Variants in SDK1 observed in about 807,000 individuals in gnomAD.
SDK1 encodes the protein sidekick cell adhesion molecule 1, also known as protein sidekick-1.
In SDK1, 157 loss-of-function variants were observed where a neutral mutation model predicts 245.5. The ratio of observed to expected loss-of-function variants is 0.64; its 90% CI spans 0.56 to 0.73. The LOEUF is 0.73. Ranked by LOEUF, SDK1 falls within the 30% of genes least tolerant of loss-of-function variation. The probability of loss-of-function intolerance (pLI) is 0.00; values close to 1 mark genes in which losing one functional copy is unlikely to be tolerated. For missense variants in SDK1, 3,583 were observed against 3,002.3 expected, an observed-to-expected ratio of 1.19 and a Z score of -4.52; for synonymous variants, 1,647 against 1,278.5, an observed-to-expected ratio of 1.29 and a Z score of -6.15.
intron 1 of SDK1, among the ~76,000 whole-genome samples, chr7:3,563,505 C>A (rs967935646): frequency 6.6e-6 from 1 of 152,000 alleles, no homozygotes; most frequent in African/African-American, 2.4e-5. Context: ...GGGAATATGA[C>A]AAGAAGATGT....
chr7:3,898,755 CT>C (rs1410913174), intron 5 of SDK1, among the ~76,000 whole-genome samples: 1 of 152,126 alleles, frequency 6.6e-6, no homozygotes, highest in African/African-American at 2.4e-5. Flanking sequence ...GATTGCCAAA[CT>C]AAGTCTTAGT....
At chr7:3,537,157 A>G (rs1778912535) in intron 1 of SDK1, among the ~76,000 whole-genome samples, 1 of 152,194 alleles carries the variant, frequency 6.6e-6, no homozygotes, top group African/African-American at 2.4e-5. Context: ...GCAGACAGCT[A>G]CCGATCTGAT....
chr7:3,713,900 C>G (rs1479365960), intron 4 of SDK1, among the ~76,000 whole-genome samples: 2 of 152,148 alleles, frequency 1.3e-5, no homozygotes, highest in Non-Finnish European at 2.9e-5. Flanking sequence ...ATCAGCAAAT[C>G]AGGCTTTCCA....
intron 1 of SDK1, among the ~76,000 whole-genome samples, chr7:3,320,103 C>T (rs1304664823): frequency 1.3e-5 from 2 of 151,880 alleles, no homozygotes; most frequent in Non-Finnish European, 2.9e-5. Context: ...TCATTCTCTT[C>T]TGATGTATGG....
intron 1 of SDK1, among the ~76,000 whole-genome samples, chr7:3,444,316 C>T (rs1413412321): frequency 6.6e-6 from 1 of 152,192 alleles, no homozygotes; most frequent in Admixed American, 6.5e-5. Flanking sequence ...GTCTACCAGA[C>T]ATCCCCAACT....
Position 3,706,676 on chromosome 7 carries a change from A to G in SDK1, c.713+64571A>G, listed in dbSNP as rs1017953746. ...TTTGGCCTCCCAAAGTGCTGGGATT[A>G]TAGGCGTGAGCCACTGTGCTCGGCC... On this transcript the variant is annotated intron_variant, in intron 4 of 44. Coordinates refer to ENST00000404826, the MANE Select transcript of SDK1 (RefSeq NM_152744.4). 4.6e-5 allele frequency among the ~76,000 whole-genome samples: 7 copies of G among 152,214 alleles called. 1 individual carries two copies. Among genetic ancestry groups the G allele is most frequent in the Admixed American group, 4.6e-4 (7 of 15,286 alleles).
chr7:3,491,448 C>T (rs1215004601), intron 1 of SDK1, among the ~76,000 whole-genome samples: 1 of 152,320 alleles, frequency 6.6e-6, no homozygotes, highest in Middle Eastern at 3.4e-3. Context: ...AGTGCAGTTG[C>T]TACTGTTTTA....
At chr7:3,382,161 G>C (rs1156967327) in intron 1 of SDK1, among the ~76,000 whole-genome samples, 2 of 151,330 alleles carry the variant, frequency 1.3e-5, no homozygotes, top group Admixed American at 6.6e-5. Context: ...TGTAGAGACA[G>C]GGTCTACCTT....
intron 1 of SDK1, among the ~76,000 whole-genome samples, chr7:3,419,455 C>T (rs1583829927): frequency 2.0e-5 from 3 of 152,238 alleles, no homozygotes; most frequent in Admixed American, 6.5e-5. Flanking sequence ...GTGAGTGTCT[C>T]GGGGAAACAT....
At chr7:3,517,706 C>G (rs1001435369) in intron 1 of SDK1, among the ~76,000 whole-genome samples, 2 of 152,242 alleles carry the variant, frequency 1.3e-5, no homozygotes, top group African/African-American at 2.4e-5. Context: ...TTCAGCTGTT[C>G]TGTGTTGTAT....
At chr7:4,010,496 G>A (rs1282016470) in intron 14 of SDK1, among the ~76,000 whole-genome samples, 4 of 152,160 alleles carry the variant, frequency 2.6e-5, no homozygotes, top group African/African-American at 4.8e-5. Context: ...GATGGGCTGC[G>A]AAATACACAG....
chr7:3,900,488 T>G (rs539832771), intron 5 of SDK1, among the ~76,000 whole-genome samples: 1 of 152,334 alleles, frequency 6.6e-6, no homozygotes, highest in East Asian at 1.9e-4. Flanking sequence ...AACTCATCAT[T>G]GCTTCTCTCG....
chr7:3,967,223 A>G, intron 9 of SDK1, 95 bp from the exon 10 acceptor site: 1 of 906,574 alleles, frequency 1.1e-6, no homozygotes, highest in Non-Finnish European at 1.8e-6. Context: ...TACCTCTGTG[A>G]TTGGCTCTCT....
Position 4,265,322 on chromosome 7 carries a change from G to A in SDK1, c.6580G>A (p.Val2194Ile), listed in dbSNP as rs767392707. The A allele has an allele frequency of 1.3e-6, 2 of 1,528,872 alleles. No homozygotes were observed. The highest frequency in any genetic ancestry group is 1.2e-5 in the South Asian group (1 of 80,766). 94.7% of individuals were successfully genotyped at this position (1,528,872 alleles called of 1,614,324 possible). A position where few individuals can be genotyped will look rare whatever the true frequency, so the allele number is the denominator to read the frequency against. Residue 2194 changes from valine to isoleucine, a missense_variant, in exon 45 of 45, where the codon GTC becomes ATC. Val to Ile is a conservative substitution (Grantham distance 29). Transcript: ENST00000404826. The stretch of plus-strand genomic sequence containing the variant: ...CATCACCACGCAGAGCGCGGGCGGC[G>A]TCTACACCCCCGCTGGCCCCGGCGC... ...PVITTQSAGG[V>I]YTPAGPGART...
At chr7:3,861,795 G>A (rs186374998) in intron 5 of SDK1, among the ~76,000 whole-genome samples, 4 of 152,268 alleles carry the variant, frequency 2.6e-5, no homozygotes, top group Non-Finnish European at 5.9e-5. Context: ...TCCCGTCAAT[G>A]TGAACCTAAG....
chr7:4,055,859 T>C (rs1488689896), intron 19 of SDK1, among the ~76,000 whole-genome samples: 1 of 152,202 alleles, frequency 6.6e-6, no homozygotes, highest in Non-Finnish European at 1.5e-5. Context: ...TCTGTATTTT[T>C]ATTTCCTTTG....
intron 5 of SDK1, among the ~76,000 whole-genome samples, chr7:3,857,503 T>G (rs971678714): frequency 6.6e-6 from 1 of 151,876 alleles, no homozygotes. Flanking sequence ...GGCAACATGG[T>G]GAGACCCCAT....
At chr7:3,815,560 T>G (rs1219507693) in intron 4 of SDK1, among the ~76,000 whole-genome samples, 16 of 148,606 alleles carry the variant, frequency 1.1e-4, no homozygotes, top group African/African-American at 3.8e-4. Flanking sequence ...ATCAAGGATA[T>G]TGGTCTAAAA....
chr7:3,549,220 G>A (rs1050631652), intron 1 of SDK1, among the ~76,000 whole-genome samples: 1 of 152,212 alleles, frequency 6.6e-6, no homozygotes, highest in East Asian at 1.9e-4. Context: ...CATTCCGAAG[G>A]CTGTGAAATG....
Sources: gnomAD v4.1 joint callset for allele counts (sites outside exome capture counted in the v4.1 genomes callset) on GRCh38, gnomAD v4.1.1 for gene constraint, MANE v1.5 for transcripts, NCBI Gene and HGNC (gene_info 2026-07-23, HGNC 2026-07-21) for gene names.